Variants in USP53 observed in about 807,000 individuals in gnomAD.
USP53 encodes the protein ubiquitin specific peptidase 53.
In USP53, 71 loss-of-function variants were observed where a neutral mutation model predicts 94.9. The ratio of observed to expected loss-of-function variants is 0.75; its 90% confidence interval spans 0.62 to 0.91. USP53 has a LOEUF of 0.91. Among genes scored for constraint, USP53 ranks in the 40% least tolerant of loss-of-function variants. The probability of loss-of-function intolerance (pLI) is 0.00; values close to 1 mark genes in which losing one functional copy is unlikely to be tolerated. For missense variants in USP53, 1,173 were observed against 1,281.0 expected, an observed-to-expected ratio of 0.92 and a Z score of 1.29; for synonymous variants, 375 against 422.7, an observed-to-expected ratio of 0.89 and a Z score of 1.39.
intron 3 of USP53, among the ~76,000 whole-genome samples, chr4:119,221,949 T>G (rs1274389254): frequency 6.6e-6 from 1 of 152,212 alleles, no homozygotes; most frequent in Non-Finnish European, 1.5e-5. Flanking sequence ...CACCTTGTGC[T>G]TCTCTTTCCT....
Position 119,293,225 on chromosome 4 carries a change from T to TA in USP53, c.*15dup. 6.4e-7 allele frequency: 1 copy of TA among 1,559,840 alleles called. No individual in the cohort carries two copies. Among genetic ancestry groups the TA allele is most frequent in the Non-Finnish European group, 8.6e-7 (1 of 1,163,502 alleles). Reference sequence around the variant, plus strand: ...TCACTATCTTAGAGTGAAAAAGGACTAGACCTGTGTTACATAATAATCTTG... The same window carrying TA: ...TCACTATCTTAGAGTGAAAAAGGACTAAGACCTGTGTTACATAATAATCTTG... On this transcript the variant is annotated 3_prime_UTR_variant, in exon 19 of 19. Transcript: ENST00000692078.
In USP53 at chr4:119,214,093, A is replaced by G. The variant is rs2149246020; in HGVS notation, c.-918A>G. On this transcript the variant is annotated 5_prime_UTR_variant, in exon 2 of 19. Coordinates refer to ENST00000692078, the MANE Select transcript of USP53 (RefSeq NM_001371395.1). The stretch of plus-strand genomic sequence containing the variant: ...AGTTCCGTGATGATGGTCTAAGCAA[A>G]GACCCTTCGTCCTGTTAAAGATAAA... 1 of 151,272 alleles carries G rather than the reference A, an allele frequency of 6.6e-6. No homozygotes were observed. The highest frequency in any genetic ancestry group is 1.5e-5 in the Non-Finnish European group (1 of 67,916). 9.4% of individuals were successfully genotyped at this position (151,272 alleles called of 1,614,324 possible).
At chr4:119,267,831 T>C (rs1028044117) in intron 13 of USP53, among the ~76,000 whole-genome samples, 13 of 152,238 alleles carry the variant, frequency 8.5e-5, no homozygotes, top group Non-Finnish European at 5.9e-5. Context: ...AATTCTTAAA[T>C]GATGTCAATC....
At chr4:119,270,872 A>G (rs1280058755) in intron 15 of USP53, among the ~76,000 whole-genome samples, 1 of 152,216 alleles carries the variant, frequency 6.6e-6, no homozygotes, top group East Asian at 1.9e-4. Context: ...GATGTGGCTC[A>G]GTTGCCCTCT....
At chr4:119,248,948 G>A in intron 7 of USP53, 66 bp downstream of exon 7, 1 of 1,567,226 alleles carries the variant, frequency 6.4e-7, no homozygotes. Context: ...TGGTACAAGT[G>A]TTGAGACAAA....
At chr4:119,213,594 A>G (rs1397460511) in intron 1 of USP53, among the ~76,000 whole-genome samples, 2 of 137,024 alleles carry the variant, frequency 1.5e-5, no homozygotes, top group African/African-American at 5.6e-5. Flanking sequence ...GCAGGGAATT[A>G]CCAGTTGGAC....
At chr4:119,270,263 T>C (rs1427933489) in intron 15 of USP53, among the ~76,000 whole-genome samples, 1 of 151,626 alleles carries the variant, frequency 6.6e-6, no homozygotes, top group African/African-American at 2.4e-5. Flanking sequence ...CCTGGCTAAA[T>C]TTTAAAAAGT....
intron 17 of USP53, among the ~76,000 whole-genome samples, chr4:119,282,211 C>A (rs1753586925): frequency 6.6e-6 from 1 of 152,062 alleles, no homozygotes; most frequent in Admixed American, 6.6e-5. Flanking sequence ...TTTATGCTTT[C>A]ATCTGTAAGT....
rs1431570433 is a variant in USP53 at position 119,260,550 on chromosome 4, A to G, written c.719A>G (p.Asn240Ser). 1.2e-6 allele frequency: 2 copies of G among 1,613,782 alleles called. No homozygotes were observed. Among genetic ancestry groups the G allele is most frequent in the Non-Finnish European group, 1.7e-6 (2 of 1,179,804 alleles). Residue 240 changes from asparagine (N) to serine (S), a missense_variant, in exon 11 of 19, where the codon AAT (asparagine) becomes AGT (serine). Physicochemically the swap from Asn to Ser is conservative, Grantham distance 46. Coordinates refer to ENST00000692078, the MANE Select transcript of USP53 (RefSeq NM_001371395.1). ...ATAAAAATTCGCCGTGTTTTAATGAATTGCCCAGAGATTGTTACAATTGGT... is the reference window on the plus strand; with the variant it reads ...ATAAAAATTCGCCGTGTTTTAATGAGTTGCCCAGAGATTGTTACAATTGGT... ...QKIKIRRVLM[N>S]CPEIVTIGLV...
chr4:119,217,249 G>A (rs987428421), intron 2 of USP53, among the ~76,000 whole-genome samples: 5 of 152,064 alleles, frequency 3.3e-5, no homozygotes, highest in Admixed American at 6.5e-5. Context: ...ATAATAAACT[G>A]TTGCCCCTCT....
In USP53 at chr4:119,260,657, T is replaced by G; in HGVS notation, c.822+4T>G. On this transcript the variant is annotated splice_donor_region_variant and intron_variant, in intron 11 of 18. Coordinates refer to ENST00000692078, the MANE Select transcript of USP53 (RefSeq NM_001371395.1). Reference sequence around the variant, plus strand: ...AACACATCTTTATCTTCCTGGGGTATCTTATCTATTTTCATTCCCTTCCCT... The same window carrying G: ...AACACATCTTTATCTTCCTGGGGTAGCTTATCTATTTTCATTCCCTTCCCT... 8 of 1,611,706 alleles carry G rather than the reference T, an allele frequency of 5.0e-6. No individual in the cohort carries two copies. Among genetic ancestry groups the G allele is most frequent in the Non-Finnish European group, 6.8e-6 (8 of 1,179,008 alleles).
At chr4:119,260,775 C>A in intron 11 of USP53, 122 bp downstream of exon 11, 1 of 1,087,524 alleles carries the variant, frequency 9.2e-7, no homozygotes, top group Non-Finnish European at 1.3e-6. Context: ...GCCTTTACTA[C>A]ATAGACTAGG....
chr4:119,215,410 T>A (rs943819766), intron 2 of USP53, among the ~76,000 whole-genome samples: 19 of 152,206 alleles, frequency 1.2e-4, no homozygotes, highest in African/African-American at 4.6e-4. Context: ...TCTTTGCAGG[T>A]TATACATTTT....
intron 15 of USP53, among the ~76,000 whole-genome samples, chr4:119,270,607 C>T (rs1751729671): frequency 6.6e-6 from 1 of 152,024 alleles, no homozygotes; most frequent in Non-Finnish European, 1.5e-5. Context: ...TCTGGCAATC[C>T]CTGACCTTCC....
Position 119,271,543 on chromosome 4 carries a change from C to A in USP53, c.1683C>A (p.Asp561Glu). The stretch of plus-strand genomic sequence containing the variant: ...ACAATGGCACTGGATATGACACAGA[C>A]AGCAGCCAAGATTCTAGGGATAGAG... ...KSDNGTGYDTDSSQDSRDRGN... is the reference protein window; with the variant it reads ...KSDNGTGYDTESSQDSRDRGN... The change falls in exon 16 of 19, where the codon GAC becomes GAA. Residue 561 changes from aspartate (D) to glutamate (E), a missense_variant. Coordinates refer to ENST00000692078, the MANE Select transcript of USP53 (RefSeq NM_001371395.1). 2 of 1,613,726 alleles carry A rather than the reference C, an allele frequency of 1.2e-6. No individual in the cohort carries two copies. The highest frequency in any genetic ancestry group is 2.7e-5 in the African/African-American group (2 of 75,020).
chr4:119,294,268 T>C lies in USP53; in HGVS notation c.*1057T>C, dbSNP rs1227153901. 6.6e-6 allele frequency: 1 copy of C among 152,114 alleles called. No homozygotes were observed. The highest frequency in any genetic ancestry group is 1.5e-5 in the Non-Finnish European group (1 of 67,958). The allele number at this position is 152,114 out of a possible 1,614,324, so 9.4% of individuals were successfully genotyped here. A position where few individuals can be genotyped will look rare whatever the true frequency, so the allele number is the denominator to read the frequency against. The stretch of plus-strand genomic sequence containing the variant: ...TTTTATCTGAATTTGAAAATCTATC[T>C]AGGTTTCCAGATTAAATTTCTACCT... On this transcript the variant is annotated 3_prime_UTR_variant, in exon 19 of 19. Transcript: ENST00000692078.
At chr4:119,237,502 T>C (rs904672203) in intron 4 of USP53, among the ~76,000 whole-genome samples, 2 of 151,866 alleles carry the variant, frequency 1.3e-5, no homozygotes, top group Admixed American at 1.3e-4. Context: ...CTCGCTGCTA[T>C]CTATTGAAAG....
At chr4:119,237,679 A>G (rs547748391) in intron 4 of USP53, among the ~76,000 whole-genome samples, 142 of 152,300 alleles carry the variant, frequency 9.3e-4, no homozygotes, top group African/African-American at 3.2e-3. Context: ...TCAGTCTTCA[A>G]CTGTTTCTTC....
chr4:119,273,333 C>A (rs1206775731), intron 16 of USP53: 4 of 171,434 alleles, frequency 2.3e-5, no homozygotes, highest in Non-Finnish European at 2.4e-5. Flanking sequence ...AAAAAAAAGA[C>A]TTGACAAGGT....
Sources: allele counts gnomAD v4.1 joint callset (sites outside exome capture counted in the v4.1 genomes callset), GRCh38; gene constraint gnomAD v4.1.1; transcripts MANE v1.5; gene names NCBI Gene and HGNC (gene_info 2026-07-23, HGNC 2026-07-21).